Variants in CNOT2 observed in about 807,000 individuals in gnomAD.
CNOT2 encodes CC chemokine receptor 4-negative regulator of transcription 2.
CNOT2 carries 7 observed loss-of-function variants against 72.1 expected under a neutral mutation model. That is an observed-to-expected ratio of 0.10 (90% confidence interval 0.06 to 0.18). The LOEUF is 0.18. Among genes scored for constraint, CNOT2 ranks in the 10% least tolerant of loss-of-function variants. The probability of loss-of-function intolerance (pLI) is 1.00; values close to 1 mark genes in which losing one functional copy is unlikely to be tolerated. For missense variants in CNOT2, 345 were observed against 660.3 expected (o/e 0.52, Z 5.23); for synonymous variants, 196 against 225.6 (o/e 0.87, Z 1.17).
intron 1 of CNOT2, 91 bp from the exon 2 acceptor site, chr12:70,278,041 T>G: frequency 2.1e-6 from 1 of 485,276 alleles, no homozygotes; most frequent in Non-Finnish European, 3.7e-6. Flanking sequence ...TTTTGTTTTT[T>G]GTTTTCTGTG....
At chr12:70,344,493 T>G in intron 14 of CNOT2, 1 of 341,930 alleles carries the variant, frequency 2.9e-6, no homozygotes, top group Admixed American at 4.5e-5. Context: ...TTTGGTGAGG[T>G]GGACAGATCA....
chr12:70,354,504 A>T lies in CNOT2; in HGVS notation c.*589A>T, dbSNP rs186055379. 6.5e-6 allele frequency: 1 copy of T among 152,750 alleles called. No individual in the cohort carries two copies. The highest frequency in any genetic ancestry group is 1.9e-4 in the East Asian group (1 of 5,186). The allele number at this position is 152,750 out of a possible 1,614,324, so 9.5% of individuals were successfully genotyped here. A position where few individuals can be genotyped will look rare whatever the true frequency, so the allele number is the denominator to read the frequency against. On this transcript the variant is annotated 3_prime_UTR_variant, in exon 16 of 16. Transcript: ENST00000229195. ...AGAAAGATATTGCCACAATCTCTGGATGGTTTTCCAGGGTTGTGTTATTAC... is the reference window on the plus strand; with the variant it reads ...AGAAAGATATTGCCACAATCTCTGGTTGGTTTTCCAGGGTTGTGTTATTAC...
chr12:70,267,737 C>T (rs1959121097), intron 1 of CNOT2, among the ~76,000 whole-genome samples: 1 of 152,234 alleles, frequency 6.6e-6, no homozygotes, highest in Non-Finnish European at 1.5e-5. Flanking sequence ...TTGCTTTCAA[C>T]TATCATCATG....
intron 1 of CNOT2, among the ~76,000 whole-genome samples, chr12:70,257,170 A>G (rs1057205104): frequency 2.6e-5 from 4 of 152,232 alleles, no homozygotes; most frequent in Non-Finnish European, 4.4e-5. Context: ...AAGCAGGTCC[A>G]GTGCTTAGCC....
At chr12:70,273,246 C>CCAAAGCTAT (rs1467165078) in intron 1 of CNOT2, among the ~76,000 whole-genome samples, 1 of 152,250 alleles carries the variant, frequency 6.6e-6, no homozygotes, top group East Asian at 1.9e-4. Flanking sequence ...ATTTATTTCA[C>CCAAAGCTAT]CAAAGCTATC....
chr12:70,300,282 G>A (rs1873680296), intron 2 of CNOT2, among the ~76,000 whole-genome samples: 1 of 152,166 alleles, frequency 6.6e-6, no homozygotes, highest in Non-Finnish European at 1.5e-5. Flanking sequence ...TTTTAGACAT[G>A]AAGTCCTTGC....
At chr12:70,330,194 T>G (rs1879715750) in intron 5 of CNOT2, 93 bp from the exon 6 acceptor site, 1 of 580,874 alleles carries the variant, frequency 1.7e-6, no homozygotes, top group Non-Finnish European at 3.0e-6. Context: ...AAAGTATATT[T>G]GAGATTCTAG....
intron 2 of CNOT2, among the ~76,000 whole-genome samples, chr12:70,303,958 G>A (rs575937664): frequency 1.1e-4 from 16 of 151,498 alleles, no homozygotes; most frequent in African/African-American, 3.4e-4. Flanking sequence ...CATTCATTTC[G>A]TCTTCCATCG....
At chr12:70,351,316 C>T (rs1013283275) in intron 15 of CNOT2, among the ~76,000 whole-genome samples, 3 of 152,026 alleles carry the variant, frequency 2.0e-5, no homozygotes, top group African/African-American at 7.2e-5. Flanking sequence ...GACACTTGCT[C>T]CTACAGAATG....
chr12:70,265,428 T>C (rs1323054942), intron 1 of CNOT2, among the ~76,000 whole-genome samples: 2 of 151,992 alleles, frequency 1.3e-5, no homozygotes, highest in African/African-American at 4.8e-5. Context: ...TTCATCTAAG[T>C]TGCTGATTTT....
intron 1 of CNOT2, among the ~76,000 whole-genome samples, chr12:70,265,767 A>G (rs1268388126): frequency 6.6e-6 from 1 of 151,964 alleles, no homozygotes; most frequent in African/African-American, 2.4e-5. Flanking sequence ...GAAATTATAA[A>G]TTTCCCCTTG....
intron 1 of CNOT2, among the ~76,000 whole-genome samples, chr12:70,263,553 T>G (rs1958880153): frequency 6.6e-6 from 1 of 152,196 alleles, no homozygotes. Context: ...TCTTTTTTTC[T>G]TATCTCTTTC....
chr12:70,315,864 A>G (rs1877242317), intron 3 of CNOT2, among the ~76,000 whole-genome samples: 1 of 152,208 alleles, frequency 6.6e-6, no homozygotes, highest in Non-Finnish European at 1.5e-5. Flanking sequence ...ATTTGTGAAG[A>G]TAAACTTTCT....
upstream of CNOT2, chr12:70,243,147 G>A (rs1286398601): frequency 1.3e-5 from 2 of 152,276 alleles, no homozygotes; most frequent in East Asian, 3.9e-4. Flanking sequence ...CCAGGGAAAC[G>A]GTAGCGGCCG....
At position 70,278,172 on chromosome 12, in the gene CNOT2, T is replaced by G; in HGVS notation, c.-55T>G. 7.2e-7 allele frequency: 1 copy of G among 1,384,600 alleles called. No individual in the cohort carries two copies. The highest frequency in any genetic ancestry group is 1.2e-5 in the South Asian group (1 of 84,434). The allele number at this position is 1,384,600 out of a possible 1,614,324, so 85.8% of individuals were successfully genotyped here. A position where few individuals can be genotyped will look rare whatever the true frequency, so the allele number is the denominator to read the frequency against. Reference sequence around the variant, plus strand: ...GCGGTCCTTCCTGTGACACGACCCTTGAGTGACAGTTCTATTTGATTGCCT... The same window carrying G: ...GCGGTCCTTCCTGTGACACGACCCTGGAGTGACAGTTCTATTTGATTGCCT... On this transcript the variant is annotated 5_prime_UTR_variant, in exon 2 of 16. Transcript: ENST00000229195.
At chr12:70,271,784 G>A (rs1374272879) in intron 1 of CNOT2, among the ~76,000 whole-genome samples, 3 of 152,148 alleles carry the variant, frequency 2.0e-5, no homozygotes, top group East Asian at 1.9e-4. Flanking sequence ...TGGTGAGACA[G>A]CTATTAAAAA....
chr12:70,291,205 A>G (rs1565774642), intron 2 of CNOT2, among the ~76,000 whole-genome samples: 6 of 152,190 alleles, frequency 3.9e-5, no homozygotes. Context: ...TTTTACCAAT[A>G]AGCATTTCTT....
intron 1 of CNOT2, among the ~76,000 whole-genome samples, chr12:70,257,353 C>CTTTTTTT (rs1565733065): frequency 7.2e-6 from 1 of 138,938 alleles, no homozygotes; most frequent in African/African-American, 2.7e-5. Context: ...CCAACTACCC[C>CTTTTTTT]CTTTTTTTTT....
At chr12:70,291,231 G>A (rs1427808451) in intron 2 of CNOT2, among the ~76,000 whole-genome samples, 3 of 152,096 alleles carry the variant, frequency 2.0e-5, no homozygotes, top group Non-Finnish European at 4.4e-5. Context: ...AAAAAAATCT[G>A]TGTTGTATAG....
Sources: allele counts gnomAD v4.1 joint callset (sites outside exome capture counted in the v4.1 genomes callset), GRCh38; gene constraint gnomAD v4.1.1; transcripts MANE v1.5; gene names NCBI Gene and HGNC (gene_info 2026-07-23, HGNC 2026-07-21).